MYO5B: variants seen among roughly 807,000 people sequenced by gnomAD.
The protein encoded by MYO5B is unconventional myosin-Vb.
Under a neutral mutation model 229.3 loss-of-function variants are expected in MYO5B, and 143 were observed. That is an observed-to-expected ratio of 0.62 (90% confidence interval 0.54 to 0.72). The LOEUF is 0.72. MYO5B is among the 30% of genes least tolerant of loss of function. The probability of loss-of-function intolerance (pLI) is 0.00; values close to 1 mark genes in which losing one functional copy is unlikely to be tolerated. For missense variants in MYO5B, 2,321 were observed against 2,331.0 expected (o/e 1.00, Z 0.09); for synonymous variants, 918 against 885.2 (o/e 1.04, Z -0.66).
At chr18:50,128,797 T>C (rs181462181) in intron 1 of MYO5B, among the ~76,000 whole-genome samples, 11 of 152,182 alleles carry the variant, frequency 7.2e-5, no homozygotes, top group African/African-American at 2.4e-4. Flanking sequence ...CCAGAAGGAA[T>C]GTGAGGATAA....
At chr18:49,906,726 GC>G in intron 18 of MYO5B, 96 bp from the exon 19 acceptor site, 3 of 1,128,468 alleles carry the variant, frequency 2.7e-6, no homozygotes, top group Non-Finnish European at 4.0e-6. Context: ...GAATCCCCTG[GC>G]CAGACTTCAT....
chr18:49,999,380 C>T (rs561108609), intron 5 of MYO5B, among the ~76,000 whole-genome samples: 11 of 152,370 alleles, frequency 7.2e-5, no homozygotes, highest in African/African-American at 1.4e-4. Context: ...AGTCCACAAA[C>T]GGCTTCCGAC....
intron 1 of MYO5B, among the ~76,000 whole-genome samples, chr18:50,109,016 C>A (rs1185464311): frequency 6.6e-6 from 1 of 152,186 alleles, no homozygotes; most frequent in Non-Finnish European, 1.5e-5. Flanking sequence ...GGTGATGATA[C>A]CAAGACTAGC....
At chr18:50,076,363 G>A (rs1358477764) in intron 1 of MYO5B, among the ~76,000 whole-genome samples, 1 of 152,102 alleles carries the variant, frequency 6.6e-6, no homozygotes, top group Non-Finnish European at 1.5e-5. Context: ...TGAGAGTAAG[G>A]GGCACCAGCC....
At chr18:50,112,802 A>C (rs2031890163) in intron 1 of MYO5B, among the ~76,000 whole-genome samples, 1 of 152,204 alleles carries the variant, frequency 6.6e-6, no homozygotes, top group African/African-American at 2.4e-5. Context: ...AAAATGAACC[A>C]ATTTTCAGCA....
intron 27 of MYO5B, among the ~76,000 whole-genome samples, chr18:49,867,322 T>C (rs912854225): frequency 2.6e-5 from 4 of 152,162 alleles, no homozygotes; most frequent in Admixed American, 6.5e-5. Flanking sequence ...GTGTCATCTA[T>C]TGAGACAAGA....
intron 8 of MYO5B, among the ~76,000 whole-genome samples, chr18:49,984,120 C>T (rs1265350192): frequency 6.6e-6 from 1 of 152,194 alleles, no homozygotes; most frequent in Non-Finnish European, 1.5e-5. Flanking sequence ...TACTTTACCG[C>T]TTCTCCCCCA....
intron 22 of MYO5B, among the ~76,000 whole-genome samples, chr18:49,881,800 CA>C (rs10611314): frequency 1.2e-3 from 171 of 140,344 alleles, no homozygotes; most frequent in Middle Eastern, 3.7e-3. Context: ...GACTCCGTCT[CA>C]AAAAAAAAAA....
chr18:50,125,127 A>G (rs1366361696), intron 1 of MYO5B, among the ~76,000 whole-genome samples: 1 of 152,170 alleles, frequency 6.6e-6, no homozygotes, highest in Admixed American at 6.5e-5. Flanking sequence ...GGTATTGAAC[A>G]GAGCGCAAAC....
chr18:50,102,702 T>G (rs556156003), intron 1 of MYO5B, among the ~76,000 whole-genome samples: 1 of 151,224 alleles, frequency 6.6e-6, no homozygotes, highest in African/African-American at 2.4e-5. Context: ...TTGTTAGAAA[T>G]GCAGAATCTC....
chr18:50,056,224 G>A (rs1010350795), intron 1 of MYO5B, among the ~76,000 whole-genome samples: 1 of 152,202 alleles, frequency 6.6e-6, no homozygotes, highest in Non-Finnish European at 1.5e-5. Flanking sequence ...AGGATTAACT[G>A]TCTGACTTGC....
intron 2 of MYO5B, among the ~76,000 whole-genome samples, chr18:50,041,454 A>C (rs564395416): frequency 6.6e-6 from 1 of 152,334 alleles, no homozygotes; most frequent in South Asian, 2.1e-4. Context: ...AAGGGCTAAG[A>C]TAGGCAGATA....
At chr18:49,892,064 C>A (rs890464020) in intron 22 of MYO5B, among the ~76,000 whole-genome samples, 2 of 152,196 alleles carry the variant, frequency 1.3e-5, no homozygotes, top group East Asian at 3.9e-4. Flanking sequence ...GAGCTGTCAC[C>A]TCTGTGCCTA....
chr18:50,194,711 G>A, intron 1 of MYO5B, 56 bp downstream of exon 1: 4 of 1,282,562 alleles, frequency 3.1e-6, no homozygotes, highest in South Asian at 1.3e-5. Context: ...TGAGTACTAG[G>A]TGGCCCCGAG....
intron 14 of MYO5B, among the ~76,000 whole-genome samples, chr18:49,943,072 T>G (rs2025334512): frequency 6.6e-6 from 1 of 152,004 alleles, no homozygotes; most frequent in African/African-American, 2.4e-5. Context: ...TGTAGGGACA[T>G]GGATAAAGCT....
intron 1 of MYO5B, among the ~76,000 whole-genome samples, chr18:50,075,825 T>A (rs1170324588): frequency 1.3e-5 from 2 of 152,226 alleles, no homozygotes; most frequent in Non-Finnish European, 2.9e-5. Flanking sequence ...GACAACAGCT[T>A]CCAGCTCTTG....
At chr18:49,890,634 T>C (rs915494300) in intron 22 of MYO5B, among the ~76,000 whole-genome samples, 3 of 152,210 alleles carry the variant, frequency 2.0e-5, no homozygotes, top group East Asian at 3.8e-4. Flanking sequence ...ATTAGTACTA[T>C]AAGAAGACCC....
chr18:50,041,680 A>AT (rs564805297), intron 2 of MYO5B, among the ~76,000 whole-genome samples: 5 of 152,040 alleles, frequency 3.3e-5, no homozygotes, highest in Admixed American at 6.5e-5. Context: ...TTAAAAAAAA[A>AT]TTTTTTTAAC....
At chr18:49,922,638 A>G (rs548510880) in intron 17 of MYO5B, among the ~76,000 whole-genome samples, 29 of 152,174 alleles carry the variant, frequency 1.9e-4, no homozygotes, top group Admixed American at 3.3e-4. Flanking sequence ...ACTTGCTAAG[A>G]TGGCAAATGC....
Sources: gnomAD v4.1 joint callset for allele counts (sites outside exome capture counted in the v4.1 genomes callset) on GRCh38, gnomAD v4.1.1 for gene constraint, MANE v1.5 for transcripts, NCBI Gene and HGNC (gene_info 2026-07-23, HGNC 2026-07-21) for gene names.